The following SLC39A12 variants were observed in gnomAD, a reference collection of about 807,000 sequenced individuals.
The protein encoded by SLC39A12 is solute carrier family 39 member 12.
In SLC39A12, 63 loss-of-function variants were observed where a neutral mutation model predicts 71.1. The observed-to-expected ratio is 0.89, with a 90% CI of 0.72 to 1.09. The LOEUF is 1.09. Ranked by LOEUF, SLC39A12 falls within the 50% of genes least tolerant of loss-of-function variation. SLC39A12 has a pLI of 0.00. For synonymous variants in SLC39A12, 351 were observed against 301.3 expected (o/e 1.16, Z -1.71); for missense variants, 892 against 812.6 (o/e 1.10, Z -1.19).
intron 12 of SLC39A12, among the ~76,000 whole-genome samples, chr10:18,030,694 GGTTA>G (rs1836821385): frequency 6.7e-6 from 1 of 150,260 alleles, no homozygotes. Context: ...ACATTGTGCA[GGTTA>G]GTTACATATG....
chr10:17,987,248 T>C (rs1835421612), intron 6 of SLC39A12, among the ~76,000 whole-genome samples: 1 of 152,068 alleles, frequency 6.6e-6, no homozygotes, highest in African/African-American at 2.4e-5. Flanking sequence ...GGTGGGAGGA[T>C]CACTTGAGCC....
At chr10:18,035,907 G>C (rs976086285) in intron 12 of SLC39A12, among the ~76,000 whole-genome samples, 5 of 152,084 alleles carry the variant, frequency 3.3e-5, no homozygotes, top group Admixed American at 2.0e-4. Flanking sequence ...ATACCCTGCC[G>C]TGTGAGGTGT....
intron 12 of SLC39A12, among the ~76,000 whole-genome samples, chr10:18,022,010 T>C (rs1006546184): frequency 2.6e-5 from 4 of 152,244 alleles, no homozygotes; most frequent in Admixed American, 6.5e-5. Context: ...GAGTTTCCCT[T>C]TGTAGGTGAC....
intron 12 of SLC39A12, among the ~76,000 whole-genome samples, chr10:18,031,746 T>A (rs1204546445): frequency 2.7e-5 from 3 of 109,256 alleles, no homozygotes; most frequent in Admixed American, 2.0e-4. Context: ...TGAATGGTAA[T>A]GCCTAGGTTT....
intron 12 of SLC39A12, among the ~76,000 whole-genome samples, chr10:18,013,158 G>T (rs1008116564): frequency 3.3e-5 from 5 of 151,060 alleles, no homozygotes; most frequent in Non-Finnish European, 7.4e-5. Flanking sequence ...GCTAAACAAT[G>T]ATATTACAAT....
chr10:17,957,242 A>G (rs1187455541), intron 2 of SLC39A12, among the ~76,000 whole-genome samples: 1 of 152,166 alleles, frequency 6.6e-6, no homozygotes, highest in African/African-American at 2.4e-5. Flanking sequence ...CTCACCTGGC[A>G]TAGATCATAA....
chr10:18,012,013 G>C (rs1448806185), intron 12 of SLC39A12, among the ~76,000 whole-genome samples: 2 of 152,102 alleles, frequency 1.3e-5, no homozygotes, highest in Non-Finnish European at 2.9e-5. Context: ...TGAATAACAA[G>C]GAAGGTTAAA....
Position 17,983,116 on chromosome 10 carries a change from C to T in SLC39A12, c.1096+1633C>T, listed in dbSNP as rs550494747. ...TTGGGAGACGGAGCTTGCAGTGAGC[C>T]GAGGTCAGCACCACTGCACTCCAGC... On this transcript the variant is annotated intron_variant, in intron 6 of 12. Transcript: ENST00000377369. Among the ~76,000 whole-genome samples the T allele has an allele frequency of 6.3e-3, 812 of 129,676 alleles. 6 individuals are homozygous for T. The highest frequency in any genetic ancestry group is 9.7e-3 in the Non-Finnish European group (626 of 64,698). The allele number at this position is 129,676 out of a possible 152,430, so 85.1% of individuals were successfully genotyped here.
At chr10:17,992,358 A>G (rs916632500) in intron 8 of SLC39A12, among the ~76,000 whole-genome samples, 9 of 152,218 alleles carry the variant, frequency 5.9e-5, no homozygotes, top group Admixed American at 4.6e-4. Flanking sequence ...CAATAAATAG[A>G]GGTCATGAAT....
At chr10:17,994,590 A>G (rs1033094713) in intron 9 of SLC39A12, among the ~76,000 whole-genome samples, 3 of 152,206 alleles carry the variant, frequency 2.0e-5, no homozygotes, top group Non-Finnish European at 4.4e-5. Context: ...TGTGATTACA[A>G]TTAGGTTTTT....
chr10:17,978,224 T>C, intron 5 of SLC39A12, 150 bp downstream of exon 5: 1 of 619,574 alleles, frequency 1.6e-6, no homozygotes, highest in South Asian at 3.3e-5. Flanking sequence ...TAGTTACGGT[T>C]TTCTTTTTCT....
At chr10:17,975,058 G>C (rs1368779504) in intron 4 of SLC39A12, among the ~76,000 whole-genome samples, 1 of 152,144 alleles carries the variant, frequency 6.6e-6, no homozygotes, top group Non-Finnish European at 1.5e-5. Context: ...ACAGGTCCAT[G>C]GGGAGAGCTG....
intron 4 of SLC39A12, among the ~76,000 whole-genome samples, chr10:17,977,306 G>A (rs1013378902): frequency 1.3e-5 from 2 of 149,572 alleles, no homozygotes; most frequent in Non-Finnish European, 3.0e-5. Flanking sequence ...ATACTGAGAT[G>A]TATTTATTGA....
chr10:17,996,374 T>C (rs538368875), intron 10 of SLC39A12, among the ~76,000 whole-genome samples: 1 of 152,224 alleles, frequency 6.6e-6, no homozygotes, highest in African/African-American at 2.4e-5. Flanking sequence ...TTGGTTTTCA[T>C]CTGTTACTCT....
intron 2 of SLC39A12, among the ~76,000 whole-genome samples, chr10:17,953,930 C>G (rs1254136058): frequency 6.6e-5 from 10 of 152,148 alleles, no homozygotes; most frequent in Non-Finnish European, 1.3e-4. Flanking sequence ...TGATATTTGC[C>G]CAACATTGGG....
chr10:17,955,919 A>T (rs1279760700), intron 2 of SLC39A12, among the ~76,000 whole-genome samples: 1 of 152,224 alleles, frequency 6.6e-6, no homozygotes, highest in African/African-American at 2.4e-5. Context: ...TTCAATAATT[A>T]TGAGAACCAT....
intron 11 of SLC39A12, 23 bp downstream of exon 11, chr10:18,000,848 T>C (rs750550444): frequency 6.2e-7 from 1 of 1,608,684 alleles, no homozygotes; most frequent in Non-Finnish European, 8.5e-7. Flanking sequence ...ATGGAATTAC[T>C]GTTTCTGGCC....
At chr10:17,962,666 C>G (rs1589220018) in intron 3 of SLC39A12, among the ~76,000 whole-genome samples, 1 of 151,526 alleles carries the variant, frequency 6.6e-6, no homozygotes, top group African/African-American at 2.4e-5. Context: ...AGTTCCTGCT[C>G]TCAATTCTGG....
intron 12 of SLC39A12, among the ~76,000 whole-genome samples, chr10:18,003,719 A>G (rs1294061194): frequency 1.3e-5 from 2 of 152,216 alleles, no homozygotes; most frequent in Non-Finnish European, 2.9e-5. Flanking sequence ...TGATGCCTGT[A>G]TTTCCAGTTG....
Sources: allele counts gnomAD v4.1 joint callset (sites outside exome capture counted in the v4.1 genomes callset), GRCh38; gene constraint gnomAD v4.1.1; transcripts MANE v1.5; gene names NCBI Gene and HGNC (gene_info 2026-07-23, HGNC 2026-07-21).